Variants in LSM14A observed in about 807,000 individuals in gnomAD.
LSM14A encodes protein LSM14 homolog A.
Under a neutral mutation model 52.4 loss-of-function variants are expected in LSM14A, and 14 were observed. The ratio of observed to expected loss-of-function variants is 0.27; its 90% CI spans 0.18 to 0.42. The LOEUF (loss-of-function observed/expected upper bound fraction) is 0.42, where lower values mean the gene tolerates loss of function less well. Among genes scored for constraint, LSM14A ranks in the 10% least tolerant of loss-of-function variants. LSM14A has a pLI of 1.00. For missense variants in LSM14A, 417 were observed against 581.8 expected, an observed-to-expected ratio of 0.72 and a Z score of 2.91; for synonymous variants, 185 against 200.3, an observed-to-expected ratio of 0.92 and a Z score of 0.64.
chr19:34,206,672 T>C (rs1208052009), intron 3 of LSM14A, among the ~76,000 whole-genome samples: 1 of 151,808 alleles, frequency 6.6e-6, no homozygotes. Context: ...AGACTCCATC[T>C]CAAAAAGAAA....
intron 1 of LSM14A, among the ~76,000 whole-genome samples, chr19:34,187,497 C>T (rs191018603): frequency 1.3e-3 from 191 of 152,172 alleles, no homozygotes; most frequent in Non-Finnish European, 2.4e-3. Flanking sequence ...ACCATGTTGG[C>T]TAGGCTGGGC....
At chr19:34,207,445 T>C (rs1360777770) in intron 3 of LSM14A, among the ~76,000 whole-genome samples, 5 of 152,220 alleles carry the variant, frequency 3.3e-5, no homozygotes, top group African/African-American at 1.2e-4. Flanking sequence ...CTGAGCTTAC[T>C]GGAGCTGCAG....
At chr19:34,197,042 T>C (rs1194320956) in intron 3 of LSM14A, among the ~76,000 whole-genome samples, 1 of 152,008 alleles carries the variant, frequency 6.6e-6, no homozygotes, top group Non-Finnish European at 1.5e-5. Context: ...TCTACCAAAT[T>C]GGATATACTA....
intron 4 of LSM14A, among the ~76,000 whole-genome samples, chr19:34,212,068 C>T (rs2072203564): frequency 1.3e-5 from 2 of 152,034 alleles, no homozygotes; most frequent in South Asian, 4.1e-4. Flanking sequence ...AGAATTTATC[C>T]TGGGTGCAGT....
chr19:34,221,956 A>G (rs1053325212), intron 9 of LSM14A: 5 of 651,544 alleles, frequency 7.7e-6, no homozygotes, highest in Non-Finnish European at 9.5e-6. Flanking sequence ...TGTTAACAGA[A>G]TATACTTTTA....
At chr19:34,209,207 A>G (rs936660531) in intron 4 of LSM14A, among the ~76,000 whole-genome samples, 156 bp downstream of exon 4, 1 of 152,332 alleles carries the variant, frequency 6.6e-6, no homozygotes, top group Non-Finnish European at 1.5e-5. Context: ...TGCAATGAAT[A>G]TATTATTGAA....
At chr19:34,207,570 C>T (rs1207966696) in intron 3 of LSM14A, among the ~76,000 whole-genome samples, 3 of 148,612 alleles carry the variant, frequency 2.0e-5, no homozygotes, top group African/African-American at 5.0e-5. Context: ...CTCACTCTGT[C>T]ACCCAGGCTG....
intron 1 of LSM14A, among the ~76,000 whole-genome samples, chr19:34,182,566 G>A (rs1475085310): frequency 6.6e-6 from 1 of 151,348 alleles, no homozygotes; most frequent in Non-Finnish European, 1.5e-5. Context: ...GGCCGGGCGC[G>A]GTGGCTCATG....
intron 9 of LSM14A, chr19:34,226,375 C>CTT (rs528137318): frequency 0.014 from 16,773 of 1,186,174 alleles, 26 homozygotes; most frequent in Non-Finnish European, 0.016. Context: ...ATCTCTTTCT[C>CTT]TTTTTTTTTT....
At chr19:34,211,092 CAG>C (rs2072109586) in intron 4 of LSM14A, among the ~76,000 whole-genome samples, 1 of 151,716 alleles carries the variant, frequency 6.6e-6, no homozygotes. Context: ...CGCCTGAGGT[CAG>C]GGGTTCGAGA....
chr19:34,211,039 A>G (rs765372930), intron 4 of LSM14A, among the ~76,000 whole-genome samples: 26 of 151,824 alleles, frequency 1.7e-4, no homozygotes, highest in Middle Eastern at 3.4e-3. Context: ...ACGATGGCTC[A>G]TGCCTGTAAT....
chr19:34,218,797 T>C (rs533679472), intron 6 of LSM14A, among the ~76,000 whole-genome samples: 2 of 152,208 alleles, frequency 1.3e-5, no homozygotes, highest in Admixed American at 6.5e-5. Flanking sequence ...TTGAATAATA[T>C]AGAGCCATCT....
chr19:34,219,542 C>CA lies in LSM14A; in HGVS notation c.934dup (p.Arg312LysfsTer5), dbSNP rs1308229600. ...CACAATTCAACAAGGAAGAGATTGA[C>CA]AGAGAGTTTCATAATAAACTTAAAT... On this transcript the variant is annotated frameshift_variant, in exon 7 of 10. Coordinates refer to ENST00000544216, the MANE Select transcript of LSM14A (RefSeq NM_015578.4). LOFTEE classifies it high-confidence loss of function. 6.2e-7 allele frequency: 1 copy of CA among 1,611,976 alleles called. No homozygotes were observed. The highest frequency in any genetic ancestry group is 8.5e-7 in the Non-Finnish European group (1 of 1,179,154).
At position 34,174,705 on chromosome 19, in the gene LSM14A, TG is replaced by T. The variant is rs1309452831; in HGVS notation, c.121+1943del. ...GCTGTATAGTGTTTTTCTGGCTTTTTGAAATTATGAAAAAGCCTCTCTTTAT... is the reference window on the plus strand; with the variant it reads ...GCTGTATAGTGTTTTTCTGGCTTTTTAAATTATGAAAAAGCCTCTCTTTAT... On this transcript the variant is annotated intron_variant, in intron 1 of 9. Transcript: ENST00000544216. Among the ~76,000 whole-genome samples the T allele has an allele frequency of 4.6e-5, 7 of 152,250 alleles. No homozygotes were observed. The South Asian group carries it at 6.2e-4, about 13-fold the overall frequency.
chr19:34,192,319 G>GTTGTTGTTTTTTTTTTTTTTTTT (rs60512063), intron 1 of LSM14A, among the ~76,000 whole-genome samples: 3 of 53,410 alleles, frequency 5.6e-5, no homozygotes, highest in African/African-American at 2.4e-4. Flanking sequence ...TCTTTTTGTT[G>GTTGTTGTTTTTTTTTTTTTTTTT]TTTTTTTTTT....
At chr19:34,218,889 G>A (rs1354093927) in intron 6 of LSM14A, among the ~76,000 whole-genome samples, 1 of 152,140 alleles carries the variant, frequency 6.6e-6, no homozygotes, top group Non-Finnish European at 1.5e-5. Context: ...CTGTGATGTG[G>A]AAATAACACC....
At chr19:34,226,614 G>C (rs930639465) in intron 9 of LSM14A, 1 of 649,754 alleles carries the variant, frequency 1.5e-6, no homozygotes, top group African/African-American at 1.9e-5. Context: ...TGTATACACA[G>C]ATGAAGTTAA....
At chr19:34,223,082 T>C (rs1364336746) in intron 9 of LSM14A, among the ~76,000 whole-genome samples, 1 of 152,070 alleles carries the variant, frequency 6.6e-6, no homozygotes, top group African/African-American at 2.4e-5. Context: ...TTCATTCTTT[T>C]TTTTGGGGGG....
At chr19:34,224,279 C>T (rs561416638) in intron 9 of LSM14A, among the ~76,000 whole-genome samples, 2 of 152,122 alleles carry the variant, frequency 1.3e-5, no homozygotes, top group Non-Finnish European at 2.9e-5. Context: ...TGCAGTGAGC[C>T]GAGATCACGC....
Sources: gnomAD v4.1 joint callset for allele counts (sites outside exome capture counted in the v4.1 genomes callset) on GRCh38, gnomAD v4.1.1 for gene constraint, MANE v1.5 for transcripts, NCBI Gene and HGNC (gene_info 2026-07-23, HGNC 2026-07-21) for gene names.